The following DUT variants were observed in gnomAD, a reference collection of about 807,000 sequenced individuals.
DUT encodes the protein deoxyuridine 5'-triphosphate nucleotidohydrolase, mitochondrial.
In DUT, 21 loss-of-function variants were observed where a neutral mutation model predicts 28.8. That is an observed-to-expected ratio of 0.73 (90% CI 0.52 to 1.05). The LOEUF (loss-of-function observed/expected upper bound fraction) is 1.05. DUT is among the 50% of genes least tolerant of loss of function. DUT has a pLI of 0.00. For synonymous variants in DUT, 147 were observed against 143.7 expected (o/e 1.02, Z -0.17); for missense variants, 344 against 351.8 (o/e 0.98, Z 0.18).
chr15:48,336,276 T>G (rs1397635117), intron 4 of DUT, among the ~76,000 whole-genome samples, 186 bp downstream of exon 4: 1 of 152,168 alleles, frequency 6.6e-6, no homozygotes, highest in Non-Finnish European at 1.5e-5. Flanking sequence ...ACTAACTTAA[T>G]TTTTAAAATA....
chr15:48,331,740 C>A lies in DUT; in HGVS notation c.225C>A (p.Ala75=). Residue 75 remains alanine, a synonymous_variant, in exon 1 of 7, where the codon GCC becomes GCA. Transcript: ENST00000331200. ...GCCGCGGAGCCAGTACAGTCGGGGCCGCTGGCTGGAAGGGCGAGCTTCCTA... is the reference window on the plus strand; with the variant it reads ...GCCGCGGAGCCAGTACAGTCGGGGCAGCTGGCTGGAAGGGCGAGCTTCCTA... ...QGCRGASTVG[A]AGWKGELPKA... 1.4e-6 allele frequency: 2 copies of A among 1,438,034 alleles called. No homozygotes were observed. The highest frequency in any genetic ancestry group is 5.6e-5 in the Admixed American group (2 of 35,890). 89.1% of individuals were successfully genotyped at this position (1,438,034 alleles called of 1,614,324 possible).
chr15:48,331,124 G>A, upstream of DUT: 3 of 1,471,016 alleles, frequency 2.0e-6, no homozygotes, highest in South Asian at 1.3e-5. Flanking sequence ...CCGAGATGCG[G>A]TTCCGGCGCT....
At position 48,332,176 on chromosome 15, in the gene DUT, G is replaced by T. The variant is rs375454576; in HGVS notation, c.281-92G>T. ...GCTGGCGGGAAATTTCGGTTTTGGC[G>T]CGCTCCCTGCGGCGACGCTCATCGT... On this transcript the variant is annotated intron_variant, in intron 1 of 6. Coordinates refer to ENST00000331200, the MANE Select transcript of DUT (RefSeq NM_001025248.2). 7 of 1,464,448 alleles carry T rather than the reference G, an allele frequency of 4.8e-6. No homozygotes were observed. In the African/African-American group the frequency reaches 5.9e-5, roughly 12 times the overall value. 90.7% of individuals were successfully genotyped at this position (1,464,448 alleles called of 1,614,324 possible). A position where few individuals can be genotyped will look rare whatever the true frequency, so the allele number is the denominator to read the frequency against.
Position 48,341,529 on chromosome 15 carries a change from C to A in DUT, c.646C>A (p.Arg216=). 6.2e-7 allele frequency: 1 copy of A among 1,612,752 alleles called. No individual in the cohort carries two copies. Among genetic ancestry groups the A allele is most frequent in the Non-Finnish European group, 8.5e-7 (1 of 1,179,346 alleles). The change falls in exon 6 of 7, where the codon CGA becomes AGA. Residue 216 remains arginine (R), a synonymous_variant. Transcript: ENST00000331200. ...KEKFEVKKGD[R]IAQLICERIF... is the part of the protein sequence containing the mutation. ...TTTCTTTGAAGTCAAAAAAGGTGAT[C>A]GAATTGCACAGCTCATTTGCGAACG...
At chr15:48,334,350 C>A in intron 2 of DUT, 67 bp from the exon 3 acceptor site, 4 of 1,113,122 alleles carry the variant, frequency 3.6e-6, no homozygotes, top group Non-Finnish European at 5.1e-6. Flanking sequence ...TATGCTTGGT[C>A]ACAAAGAAAA....
At chr15:48,341,612 ATAAG>A (rs1223798483) in intron 6 of DUT, 27 bp downstream of exon 6, 1 of 1,532,554 alleles carries the variant, frequency 6.5e-7, no homozygotes, top group African/African-American at 1.4e-5. Flanking sequence ...AAGATACAGA[ATAAG>A]TAATATAACA....
chr15:48,331,531 C>A lies in DUT; in HGVS notation c.16C>A (p.Pro6Thr). The A allele has an allele frequency of 2.5e-6, 4 of 1,611,772 alleles. 2 individuals are homozygous for A. The South Asian group carries it at 4.4e-5, about 18-fold the overall frequency. MTPLC[P>T]RPALCYHFLT... is the part of the protein sequence containing the mutation. ...TCTGGGGGAAATGACTCCCCTCTGC[C>A]CTCGCCCCGCGCTCTGCTACCATTT... Residue 6 changes from proline (P) to threonine (T), a missense_variant, in exon 1 of 7, where the codon CCT becomes ACT. Coordinates refer to ENST00000331200, the MANE Select transcript of DUT (RefSeq NM_001025248.2).
At chr15:48,334,233 C>T (rs1240720232) in intron 2 of DUT, among the ~76,000 whole-genome samples, 184 bp from the exon 3 acceptor site, 1 of 152,210 alleles carries the variant, frequency 6.6e-6, no homozygotes, top group African/African-American at 2.4e-5. Context: ...ATAGCCACCT[C>T]TACCTTCTTC....
chr15:48,341,470 C>G, intron 5 of DUT, 45 bp from the exon 6 acceptor site: 1 of 1,583,266 alleles, frequency 6.3e-7, no homozygotes, highest in African/African-American at 1.3e-5. Flanking sequence ...CAGGATATGG[C>G]GAATGTGTCA....
rs1402780392 is a variant in DUT, at chr15:48,331,509, G to C, written c.-7G>C. 1.4e-5 allele frequency: 22 copies of C among 1,611,462 alleles called. No individual in the cohort carries two copies. The highest frequency in any genetic ancestry group is 1.8e-5 in the Non-Finnish European group (21 of 1,179,430). On this transcript the variant is annotated 5_prime_UTR_variant, in exon 1 of 7. Coordinates refer to ENST00000331200, the MANE Select transcript of DUT (RefSeq NM_001025248.2). ...CGAGGACCCAACCAGCCCAAACTCT[G>C]GGGGAAATGACTCCCCTCTGCCCTC...
chr15:48,338,508 G>T (rs1399355838), intron 4 of DUT, among the ~76,000 whole-genome samples: 1 of 152,026 alleles, frequency 6.6e-6, no homozygotes, highest in Non-Finnish European at 1.5e-5. Flanking sequence ...ATATAGACAA[G>T]GACATGCAAA....
At position 48,341,021 on chromosome 15, in the gene DUT, T is replaced by C. The variant is rs1428160665; in HGVS notation, c.557-268T>C. The C allele has an allele frequency of 1.0e-5, 3 of 300,140 alleles. No individual in the cohort carries two copies. In the East Asian group the frequency reaches 1.8e-4, roughly 18 times the overall value. The allele number at this position is 300,140 out of a possible 1,614,324, so 18.6% of individuals were successfully genotyped here. The stretch of plus-strand genomic sequence containing the variant: ...TAGACAGTAGGTTGGAGATGGCCAT[T>C]GCTACTGCCAGCTTAAAATAGGAAA... On this transcript the variant is annotated intron_variant, in intron 4 of 6. Transcript: ENST00000331200.
At chr15:48,331,265 G>T, upstream of DUT, 1 of 1,461,158 alleles carries the variant, frequency 6.8e-7, no homozygotes, top group South Asian at 1.4e-5. Flanking sequence ...CAAACAAGAA[G>T]AGCGAAAGCA....
intron 4 of DUT, among the ~76,000 whole-genome samples, chr15:48,337,022 G>A (rs1034176197): frequency 6.6e-6 from 1 of 152,160 alleles, no homozygotes; most frequent in African/African-American, 2.4e-5. Flanking sequence ...ATGTGCCACT[G>A]CAAGGGCTAA....
At chr15:48,333,925 T>G (rs1489298274) in intron 2 of DUT, among the ~76,000 whole-genome samples, 1 of 152,256 alleles carries the variant, frequency 6.6e-6, no homozygotes, top group African/African-American at 2.4e-5. Flanking sequence ...TTAATATATG[T>G]AAACCAATTA....
At chr15:48,336,405 A>G (rs1011332107) in intron 4 of DUT, among the ~76,000 whole-genome samples, 23 of 152,192 alleles carry the variant, frequency 1.5e-4, no homozygotes, top group African/African-American at 5.5e-4. Flanking sequence ...TAAGAGAGCT[A>G]TCTGTCTTTA....
chr15:48,331,621 G>C lies in DUT; in HGVS notation c.106G>C (p.Ala36Pro). The C allele has an allele frequency of 6.4e-7, 1 of 1,553,186 alleles. No homozygotes were observed. Among genetic ancestry groups the C allele is most frequent in the Non-Finnish European group, 8.7e-7 (1 of 1,150,012 alleles). Residue 36 changes from alanine to proline, a missense_variant, in exon 1 of 7, where the codon GCG becomes CCG. Ala to Pro is a conservative substitution (Grantham distance 27, BLOSUM62 -1). Transcript: ENST00000331200. ...AGGCGCACGGCAGAGGGCCGAAGCC[G>C]CGGTACTCTCCGGGCCAGGCCCGCC... The part of the protein sequence containing the change: ...ARGARQRAEA[A>P]VLSGPGPPLG...
rs1178562867 is a variant in DUT, at chr15:48,337,010, T to G, written c.556+920T>G. 2.0e-5 allele frequency among the ~76,000 whole-genome samples: 3 copies of G among 152,216 alleles called. No homozygotes were observed. The East Asian group carries it at 5.8e-4, about 29-fold the overall frequency. On this transcript the variant is annotated intron_variant, in intron 4 of 6. Coordinates refer to ENST00000331200, the MANE Select transcript of DUT (RefSeq NM_001025248.2). ...AAACACGTCCAGAATTAGCTCACTTTTATGTGCCACTGCAAGGGCTAACTA... is the reference window on the plus strand; with the variant it reads ...AAACACGTCCAGAATTAGCTCACTTGTATGTGCCACTGCAAGGGCTAACTA...
intron 4 of DUT, among the ~76,000 whole-genome samples, chr15:48,338,397 A>G (rs1333976575): frequency 6.6e-6 from 1 of 152,208 alleles, no homozygotes; most frequent in Non-Finnish European, 1.5e-5. Flanking sequence ...AGGCCTTTCA[A>G]AAAGGGAGTG....
Sources: allele counts gnomAD v4.1 joint callset (sites outside exome capture counted in the v4.1 genomes callset), GRCh38; gene constraint gnomAD v4.1.1; transcripts MANE v1.5; gene names NCBI Gene and HGNC (gene_info 2026-07-23, HGNC 2026-07-21).